Variants in RBX1 observed in about 807,000 individuals in gnomAD.
RBX1 encodes the protein ring-box 1.
For missense variants in RBX1, 46 were observed against 141.4 expected, an observed-to-expected ratio of 0.33 and a Z score of 3.42; for synonymous variants, 48 against 47.9, an observed-to-expected ratio of 1.00 and a Z score of -0.01.
intron 4 of RBX1, among the ~76,000 whole-genome samples, chr22:40,969,173 C>T (rs1043982945): frequency 3.3e-5 from 5 of 151,804 alleles, no homozygotes; most frequent in African/African-American, 7.3e-5. Flanking sequence ...ATCAGCTGGG[C>T]GTGGGGGCAC....
At position 40,951,727 on chromosome 22, in the gene RBX1, G is replaced by A. The variant is rs139142299; in HGVS notation, c.78+251G>A. ...CAGAGCTGCTTATTGAGATACGCGG[G>A]GTTGCGACTTGGCGGCGGGAGCCAA... On this transcript the variant is annotated intron_variant, in intron 1 of 4. Transcript: ENST00000216225. Among the ~76,000 whole-genome samples, 651 of 151,570 alleles carry A rather than the reference G, an allele frequency of 4.3e-3. 3 individuals carry two copies. The highest frequency in any genetic ancestry group is 0.015 in the African/African-American group (605 of 41,320).
At chr22:40,956,181 A>G (rs901000123) in intron 2 of RBX1, among the ~76,000 whole-genome samples, 12 of 152,148 alleles carry the variant, frequency 7.9e-5, no homozygotes, top group African/African-American at 2.9e-4. Flanking sequence ...TTAGAGTGAA[A>G]TGCTTGAGAC....
intron 2 of RBX1, among the ~76,000 whole-genome samples, chr22:40,959,438 A>G (rs543520990): frequency 3.5e-4 from 53 of 152,284 alleles, no homozygotes; most frequent in African/African-American, 1.3e-3. Context: ...TCCCTGCTAT[A>G]TCCCTTCTTA....
intron 4 of RBX1, among the ~76,000 whole-genome samples, chr22:40,970,109 A>T (rs1304136874): frequency 6.6e-6 from 1 of 150,570 alleles, no homozygotes; most frequent in Admixed American, 6.6e-5. Context: ...TCATCCTAGC[A>T]CTTTAGGAGG....
At chr22:40,955,501 C>G (rs1297005465) in intron 2 of RBX1, among the ~76,000 whole-genome samples, 1 of 150,890 alleles carries the variant, frequency 6.6e-6, no homozygotes, top group African/African-American at 2.5e-5. Context: ...TTTACTTCAA[C>G]ATGTAATTGA....
At chr22:40,959,341 C>A (rs1435147239) in intron 2 of RBX1, among the ~76,000 whole-genome samples, 4 of 152,212 alleles carry the variant, frequency 2.6e-5, no homozygotes, top group Non-Finnish European at 5.9e-5. Context: ...TTTAAACTAA[C>A]TGGACTCAAC....
At position 40,953,536 on chromosome 22, in the gene RBX1, C is replaced by T. The variant is rs945443271; in HGVS notation, c.79-19C>T. 1.2e-5 allele frequency: 18 copies of T among 1,556,386 alleles called. No individual in the cohort carries two copies. In the African/African-American group the frequency reaches 2.0e-4, roughly 18 times the overall value. ...GTGTTACAAGCAGAATGCACTGTTCCCTCTTTTTGTCTTTGCAGTGGAATG... is the reference window on the plus strand; with the variant it reads ...GTGTTACAAGCAGAATGCACTGTTCTCTCTTTTTGTCTTTGCAGTGGAATG... On this transcript the variant is annotated intron_variant, in intron 1 of 4. Coordinates refer to ENST00000216225, the MANE Select transcript of RBX1 (RefSeq NM_014248.4).
chr22:40,960,716 C>T (rs1240622999), intron 2 of RBX1, among the ~76,000 whole-genome samples: 2 of 151,936 alleles, frequency 1.3e-5, no homozygotes, highest in Non-Finnish European at 2.9e-5. Context: ...TAGTGTATTC[C>T]AGTTTCAATA....
At chr22:40,971,378 T>G (rs764028863) in intron 4 of RBX1, among the ~76,000 whole-genome samples, 14 of 152,136 alleles carry the variant, frequency 9.2e-5, no homozygotes, top group Non-Finnish European at 1.6e-4. Flanking sequence ...TTCAAGTAGA[T>G]TTCTTATGAG....
At chr22:40,968,222 C>G (rs1031654079) in intron 4 of RBX1, among the ~76,000 whole-genome samples, 3 of 151,398 alleles carry the variant, frequency 2.0e-5, no homozygotes, top group Admixed American at 6.6e-5. Context: ...TAGCAAGTGG[C>G]TGGGATTACA....
At position 40,964,210 on chromosome 22, in the gene RBX1, G is replaced by GTAT. The variant is rs1294825180; in HGVS notation, c.228+93_228+94insTAT. 995 of 923,534 alleles carry GTAT rather than the reference G, an allele frequency of 1.1e-3. 18 individuals are homozygous for GTAT. In the South Asian group the frequency reaches 0.014, roughly 13 times the overall value. The allele number at this position is 923,534 out of a possible 1,614,324, so 57.2% of individuals were successfully genotyped here. A position where few individuals can be genotyped will look rare whatever the true frequency, so the allele number is the denominator to read the frequency against. ...CTTGAAAATAACTAGGGAAAAAAAT[G>GTAT]ACTAGTCCACCTTTCTCCCAAAAGG... is the stretch of plus-strand genomic sequence containing the variant. On this transcript the variant is annotated intron_variant, in intron 3 of 4. Transcript: ENST00000216225.
intron 1 of RBX1, 134 bp downstream of exon 1, chr22:40,951,610 A>T (rs1019225230): frequency 6.2e-6 from 5 of 805,316 alleles, no homozygotes; most frequent in Middle Eastern, 2.4e-4. Flanking sequence ...CACGAAAGGA[A>T]GCCGGGGGGC....
chr22:40,952,375 C>T (rs757695032), intron 1 of RBX1, among the ~76,000 whole-genome samples: 1 of 152,156 alleles, frequency 6.6e-6, no homozygotes. Flanking sequence ...GAAGATATTC[C>T]TAGAACATCT....
intron 2 of RBX1, among the ~76,000 whole-genome samples, chr22:40,959,187 T>C (rs2058333329): frequency 6.6e-6 from 1 of 152,148 alleles, no homozygotes; most frequent in Non-Finnish European, 1.5e-5. Flanking sequence ...AGTTCTTTGG[T>C]GGTACAGCGT....
intron 2 of RBX1, among the ~76,000 whole-genome samples, chr22:40,959,716 C>T (rs964135004): frequency 2.6e-5 from 4 of 151,926 alleles, no homozygotes; most frequent in South Asian, 2.1e-4. Flanking sequence ...GAGGCTGAGG[C>T]GGGAGAATCA....
rs201193364 is a variant in RBX1, at chr22:40,964,126, G to A, written c.228+9G>A. On this transcript the variant is annotated intron_variant, in intron 3 of 4. Transcript: ENST00000216225. ...CATGGGGAGTCTGTAACGTAAGGAA[G>A]CATCTTTACCTGTCAGCATGGCTTG... The A allele has an allele frequency of 5.6e-6, 9 of 1,604,254 alleles. No homozygotes were observed. The highest frequency in any genetic ancestry group is 1.7e-4 in the Middle Eastern group (1 of 6,030).
At chr22:40,962,042 C>T (rs931881614) in intron 2 of RBX1, among the ~76,000 whole-genome samples, 10 of 152,134 alleles carry the variant, frequency 6.6e-5, no homozygotes, top group Non-Finnish European at 1.5e-4. Context: ...CCTCGTCCTT[C>T]CAAAGCATTG....
At chr22:40,961,081 C>CTTTTTTT (rs61092253) in intron 2 of RBX1, among the ~76,000 whole-genome samples, 8 of 107,666 alleles carry the variant, frequency 7.4e-5, no homozygotes, top group African/African-American at 1.8e-4. Context: ...CGTGCCTGGC[C>CTTTTTTT]TTTTTTTTTT....
rs771908060 is a variant in RBX1, at chr22:40,951,382, G to A, written c.-17G>A. The A allele has an allele frequency of 5.0e-6, 8 of 1,612,038 alleles. No homozygotes were observed. Among genetic ancestry groups the A allele is most frequent in the African/African-American group, 1.3e-5 (1 of 75,024 alleles). On this transcript the variant is annotated 5_prime_UTR_variant, in exon 1 of 5. Transcript: ENST00000216225. Reference sequence around the variant, plus strand: ...GCGCAGGCGCGGTGGTCGGACGACAGACCGTGTGTTTCCAAAATGGCGGCA... The same window carrying A: ...GCGCAGGCGCGGTGGTCGGACGACAAACCGTGTGTTTCCAAAATGGCGGCA...
Sources: gnomAD v4.1 joint callset for allele counts (sites outside exome capture counted in the v4.1 genomes callset) on GRCh38, gnomAD v4.1.1 for gene constraint, MANE v1.5 for transcripts, NCBI Gene and HGNC (gene_info 2026-07-23, HGNC 2026-07-21) for gene names.